PTPRN2: variants seen among roughly 807,000 people sequenced by gnomAD.
The protein encoded by PTPRN2 is protein tyrosine phosphatase receptor type N2, also known as receptor-type tyrosine-protein phosphatase N2.
In PTPRN2, 74 loss-of-function variants were observed where a neutral mutation model predicts 118.8. The observed-to-expected ratio is 0.62, with a 90% CI of 0.52 to 0.76. PTPRN2 has a LOEUF of 0.76. Among genes scored for constraint, PTPRN2 ranks in the 30% least tolerant of loss-of-function variants. PTPRN2 has a pLI of 0.00. For synonymous variants in PTPRN2, 641 were observed against 608.0 expected (o/e 1.05, Z -0.80); for missense variants, 1,481 against 1,394.4 (o/e 1.06, Z -0.99).
At chr7:158,494,320 G>A (rs545028614) in intron 1 of PTPRN2, among the ~76,000 whole-genome samples, 117 of 152,360 alleles carry the variant, frequency 7.7e-4, no homozygotes, top group African/African-American at 2.6e-3. Flanking sequence ...TACCACCACC[G>A]TGGAAGGCCC....
intron 1 of PTPRN2, among the ~76,000 whole-genome samples, chr7:158,576,338 G>A (rs1016288454): frequency 3.3e-5 from 5 of 152,218 alleles, no homozygotes; most frequent in African/African-American, 9.6e-5. Context: ...TGCTTCTGAC[G>A]TCACAGTTTC....
chr7:158,029,662 A>G, intron 11 of PTPRN2: 1 of 152,364 alleles, frequency 6.6e-6, no homozygotes, highest in Non-Finnish European at 1.5e-5. Flanking sequence ...CACAGCAAAC[A>G]CAGTAACCAG....
intron 2 of PTPRN2, among the ~76,000 whole-genome samples, chr7:158,457,255 A>G (rs1033378274): frequency 2.6e-5 from 4 of 151,976 alleles, no homozygotes; most frequent in Non-Finnish European, 4.4e-5. Flanking sequence ...CACAGTATCC[A>G]CGCTCTGCAT....
chr7:157,855,784 T>C (rs892153681), intron 12 of PTPRN2: 8 of 152,128 alleles, frequency 5.3e-5, no homozygotes, highest in African/African-American at 1.9e-4. Context: ...AAAGATGAAA[T>C]GAACATCTAA....
chr7:157,690,061 G>A lies in PTPRN2; in HGVS notation c.1789-7124C>T, dbSNP rs978411568. On this transcript the variant is annotated intron_variant, in intron 12 of 22. Transcript: ENST00000389418. The surrounding 1 kb of genome is among the most constrained non-coding windows in gnomAD (Gnocchi z 7.1). Reference sequence around the variant, plus strand: ...CCACCCCCAGCACCCTGCAATGGTCGGAACTGCAGGGAGTGGGGAGCAACG... The same window carrying A: ...CCACCCCCAGCACCCTGCAATGGTCAGAACTGCAGGGAGTGGGGAGCAACG... Among the ~76,000 whole-genome samples the A allele has an allele frequency of 6.6e-6, 1 of 152,206 alleles. No homozygotes were observed. Among genetic ancestry groups the A allele is most frequent in the Non-Finnish European group, 1.5e-5 (1 of 68,036 alleles).
intron 12 of PTPRN2, among the ~76,000 whole-genome samples, chr7:157,737,852 C>A (rs530489308): frequency 6.6e-6 from 1 of 152,344 alleles, no homozygotes; most frequent in African/African-American, 2.4e-5. Context: ...AAATACCACC[C>A]CCGATGCGGG....
At chr7:158,485,369 CCT>C (rs5888757) in intron 2 of PTPRN2, among the ~76,000 whole-genome samples, 4,769 of 107,540 alleles carry the variant, frequency 0.044, 78 homozygotes, top group East Asian at 0.13. Context: ...CTCGGCCACC[CCT>C]CTCTGCGCCC....
intron 20 of PTPRN2, 75 bp from the exon 21 acceptor site, chr7:157,569,041 T>G (rs552998917): frequency 2.2e-6 from 3 of 1,372,376 alleles, no homozygotes; most frequent in Admixed American, 3.4e-5. Context: ...CTAGTGACAG[T>G]TCATTTCCTT....
At chr7:158,372,601 AGCTGGTCCCCACCAC>A (rs1313098774) in intron 2 of PTPRN2, among the ~76,000 whole-genome samples, 5 of 150,922 alleles carry the variant, frequency 3.3e-5, no homozygotes, top group Non-Finnish European at 5.9e-5. Flanking sequence ...TGGTCCCTAG[AGCTGGTCCCCACCAC>A]GCTGGTCCCC....
intron 9 of PTPRN2, among the ~76,000 whole-genome samples, chr7:158,127,085 G>A (rs1422678518): frequency 1.3e-5 from 2 of 152,186 alleles, no homozygotes; most frequent in Admixed American, 6.5e-5. Context: ...TGTCTCCCTT[G>A]TTAGCATTGA....
At chr7:158,130,427 C>A (rs553066743) in intron 9 of PTPRN2, among the ~76,000 whole-genome samples, 1 of 147,958 alleles carries the variant, frequency 6.8e-6, no homozygotes, top group South Asian at 2.3e-4. Context: ...CACACTCACA[C>A]ACACACGTAC....
At chr7:158,522,079 A>G (rs13309697) in intron 1 of PTPRN2, among the ~76,000 whole-genome samples, 701 of 10,532 alleles carry the variant, frequency 0.067, 41 homozygotes, top group East Asian at 0.34. Flanking sequence ...TGGACTGTCC[A>G]GGTGCTGGCT....
At chr7:157,880,206 G>A (rs1226017558) in intron 12 of PTPRN2, among the ~76,000 whole-genome samples, 1 of 152,172 alleles carries the variant, frequency 6.6e-6, no homozygotes, top group Non-Finnish European at 1.5e-5. Flanking sequence ...CGTTCACTTA[G>A]AGACGATCTG....
intron 2 of PTPRN2, among the ~76,000 whole-genome samples, chr7:158,424,790 C>T (rs4909218): frequency 0.37 from 55,610 of 151,016 alleles, 11,258 homozygotes; most frequent in East Asian, 0.59. Context: ...TAATCTCCCA[C>T]GCCAGGTGTG....
chr7:158,133,861 C>G lies in PTPRN2; in HGVS notation c.1372G>C (p.Gly458Arg). 6.2e-7 allele frequency: 1 copy of G among 1,613,912 alleles called. No individual in the cohort carries two copies. The change falls in exon 9 of 23, where the codon GGG becomes CGG. Residue 458 changes from glycine to arginine, a missense_variant. Physicochemically the swap from Gly to Arg is moderately radical, Grantham distance 125. This residue lies in a region of PTPRN2 where 1,115 missense variants were observed against 994.2 expected (regional missense o/e 1.12). Transcript: ENST00000389418. ...CCGGGCTCCGAATGCGGCTGCTGCCCCAGCAGATCTTTGGAATACGTCTGG... is the reference window on the plus strand; with the variant it reads ...CCGGGCTCCGAATGCGGCTGCTGCCGCAGCAGATCTTTGGAATACGTCTGG... ...KSQTYSKDLLGQQPHSEPGAA... is the reference protein window; with the variant it reads ...KSQTYSKDLLRQQPHSEPGAA...
Position 157,568,839 on chromosome 7 carries a change from C to T in PTPRN2, c.2902+63G>A, listed in dbSNP as rs541374974. 2.0e-6 allele frequency: 3 copies of T among 1,488,170 alleles called. No homozygotes were observed. The Admixed American group carries it at 5.0e-5, about 25-fold the overall frequency. 92.2% of individuals were successfully genotyped at this position (1,488,170 alleles called of 1,614,324 possible). A position where few individuals can be genotyped will look rare whatever the true frequency, so the allele number is the denominator to read the frequency against. On this transcript the variant is annotated intron_variant, in intron 21 of 22. Transcript: ENST00000389418. ...GGCCTCCCGTGAACACGGCACCCTA[C>T]GTTGCCATAGCGACGCCATCCCAGC... is the stretch of plus-strand genomic sequence containing the variant.
At chr7:158,241,069 C>A (rs1476573920) in intron 3 of PTPRN2, among the ~76,000 whole-genome samples, 1 of 152,200 alleles carries the variant, frequency 6.6e-6, no homozygotes, top group Non-Finnish European at 1.5e-5. Context: ...TTGGGCCAGC[C>A]AGCATCCAGT....
intron 12 of PTPRN2, among the ~76,000 whole-genome samples, chr7:157,782,053 C>G (rs753028936): frequency 3.9e-5 from 6 of 152,228 alleles, no homozygotes; most frequent in Non-Finnish European, 8.8e-5. Context: ...CTCGCCTATG[C>G]TATCTCTTTC....
intron 11 of PTPRN2, among the ~76,000 whole-genome samples, chr7:157,956,087 T>C (rs4716837): frequency 0.83 from 125,851 of 152,126 alleles, 52,637 homozygotes; most frequent in East Asian, 0.9. Flanking sequence ...TTGGATGAGA[T>C]TTTATTCTTC....
Sources: gnomAD v4.1 joint callset for allele counts (sites outside exome capture counted in the v4.1 genomes callset) on GRCh38, gnomAD v4.1.1 for gene constraint, gnomAD v4.1.1 regional missense constraint, Gnocchi (gnomAD v3.1) non-coding constraint, MANE v1.5 for transcripts, NCBI Gene and HGNC (gene_info 2026-07-23, HGNC 2026-07-21) for gene names.